Variants in PDE7B observed in about 807,000 individuals in gnomAD.
PDE7B encodes 3',5'-cyclic-AMP phosphodiesterase 7B.
PDE7B carries 29 observed loss-of-function variants against 56.2 expected under a neutral mutation model. The observed-to-expected ratio is 0.52, with a 90% CI of 0.38 to 0.70. The LOEUF (loss-of-function observed/expected upper bound fraction) is 0.70, where lower values mean the gene tolerates loss of function less well. Ranked by LOEUF, PDE7B falls within the 30% of genes least tolerant of loss-of-function variation. The probability of loss-of-function intolerance (pLI) is 0.00; values close to 1 mark genes in which losing one functional copy is unlikely to be tolerated. For synonymous variants in PDE7B, 197 were observed against 196.9 expected (o/e 1.00, Z 0.00); for missense variants, 490 against 565.0 (o/e 0.87, Z 1.35).
chr6:136,167,487 T>C lies in PDE7B; in HGVS notation c.712-6310T>C, dbSNP rs115326107. Among the ~76,000 whole-genome samples the C allele has an allele frequency of 5.4e-3, 817 of 152,272 alleles. 8 individuals carry two copies. The highest frequency in any genetic ancestry group is 0.018 in the African/African-American group (761 of 41,562). ...GCACAAGCTCTCTCTCTTCACCTGC[T>C]ACCATCCATGTAAGATGTGACTTGC... is the stretch of plus-strand genomic sequence containing the variant. On this transcript the variant is annotated intron_variant, in intron 8 of 12. Transcript: ENST00000308191.
In PDE7B at chr6:135,919,723, G is replaced by A. The variant is rs560311588; in HGVS notation, c.22-27741G>A. 2.1e-4 allele frequency among the ~76,000 whole-genome samples: 32 copies of A among 152,308 alleles called. No homozygotes were observed. In the Middle Eastern group the frequency reaches 0.01, roughly 49 times the overall value. ...CCATTTACTAACCAAATGACTTTGA[G>A]CAAATTATTTAACCTTTCTATGATT... On this transcript the variant is annotated intron_variant, in intron 1 of 12. Coordinates refer to ENST00000308191, the MANE Select transcript of PDE7B (RefSeq NM_018945.4).
At chr6:136,000,153 C>T (rs1460659410) in intron 2 of PDE7B, among the ~76,000 whole-genome samples, 2 of 152,036 alleles carry the variant, frequency 1.3e-5, no homozygotes, top group African/African-American at 2.4e-5. Flanking sequence ...GATTTTAGAC[C>T]TTTGTCACAT....
At chr6:136,039,211 G>A (rs1776375962) in intron 2 of PDE7B, among the ~76,000 whole-genome samples, 1 of 152,094 alleles carries the variant, frequency 6.6e-6, no homozygotes, top group Non-Finnish European at 1.5e-5. Flanking sequence ...CTGTGTTTCT[G>A]ACAGTGGATA....
At chr6:136,071,197 A>C (rs370514935) in intron 2 of PDE7B, 90 of 152,290 alleles carry the variant, frequency 5.9e-4, no homozygotes, top group African/African-American at 1.7e-3. Flanking sequence ...GCACTCACCT[A>C]AGAGTACTGA....
chr6:136,045,750 G>A (rs906336364), intron 2 of PDE7B, among the ~76,000 whole-genome samples: 2 of 151,926 alleles, frequency 1.3e-5, no homozygotes, highest in Admixed American at 1.3e-4. Context: ...GCATGAATGT[G>A]GTAGTAGAAA....
chr6:136,030,376 G>T (rs1204353755), intron 2 of PDE7B, among the ~76,000 whole-genome samples: 1 of 152,236 alleles, frequency 6.6e-6, no homozygotes, highest in African/African-American at 2.4e-5. Flanking sequence ...TAGGGCGCAT[G>T]AATTCCAGGT....
chr6:136,172,826 G>A (rs1778913361), intron 8 of PDE7B, among the ~76,000 whole-genome samples: 1 of 152,092 alleles, frequency 6.6e-6, no homozygotes, highest in African/African-American at 2.4e-5. Context: ...GTGTAAGGAA[G>A]GGAAAAATCA....
At position 135,991,796 on chromosome 6, in the gene PDE7B, G is replaced by A. The variant is rs181927093; in HGVS notation, c.82+44272G>A. 10 of 152,296 alleles carry A rather than the reference G, an allele frequency of 6.6e-5. No individual in the cohort carries two copies. In the East Asian group the frequency reaches 1.9e-3, roughly 29 times the overall value. 9.4% of individuals were successfully genotyped at this position (152,296 alleles called of 1,614,324 possible). A position where few individuals can be genotyped will look rare whatever the true frequency, so the allele number is the denominator to read the frequency against. ...CAGAGAGCTGCAGAGAGAAAAAAGA[G>A]GCTGTGAGCTTTCAAGACTTTATGC... On this transcript the variant is annotated intron_variant, in intron 2 of 12. Coordinates refer to ENST00000308191, the MANE Select transcript of PDE7B (RefSeq NM_018945.4).
intron 1 of PDE7B, among the ~76,000 whole-genome samples, chr6:135,939,027 T>C (rs1378722901): frequency 3.3e-5 from 5 of 152,224 alleles, no homozygotes; most frequent in African/African-American, 9.6e-5. Context: ...ACTGCTCTAA[T>C]AGAAAGCATA....
intron 3 of PDE7B, among the ~76,000 whole-genome samples, chr6:136,127,704 G>A (rs913900937): frequency 6.6e-6 from 1 of 152,158 alleles, no homozygotes; most frequent in African/African-American, 2.4e-5. Flanking sequence ...TCTGGTTACT[G>A]AAAACCAGAT....
At chr6:136,051,042 T>C (rs1776616501) in intron 2 of PDE7B, among the ~76,000 whole-genome samples, 1 of 151,806 alleles carries the variant, frequency 6.6e-6, no homozygotes, top group Non-Finnish European at 1.5e-5. Flanking sequence ...AAATCAGCAA[T>C]AGACCTTGTT....
intron 2 of PDE7B, among the ~76,000 whole-genome samples, chr6:136,080,571 CTTG>C (rs1777190532): frequency 1.3e-5 from 2 of 152,186 alleles, no homozygotes; most frequent in African/African-American, 2.4e-5. Context: ...TCATTTCTCA[CTTG>C]TTGTAAACTG....
chr6:136,000,539 T>C (rs978095764), intron 2 of PDE7B, among the ~76,000 whole-genome samples: 2 of 152,236 alleles, frequency 1.3e-5, no homozygotes, highest in Admixed American at 1.3e-4. Context: ...TGTCAGATGG[T>C]TGAAGATCAG....
intron 2 of PDE7B, among the ~76,000 whole-genome samples, chr6:136,075,784 C>T (rs1424419734): frequency 1.3e-5 from 2 of 152,126 alleles, no homozygotes; most frequent in African/African-American, 4.8e-5. Flanking sequence ...ATAACAAGTC[C>T]TTACAGAACA....
intron 3 of PDE7B, among the ~76,000 whole-genome samples, chr6:136,118,066 T>C (rs1485091838): frequency 1.3e-5 from 2 of 152,198 alleles, no homozygotes; most frequent in Non-Finnish European, 2.9e-5. Context: ...ATGAGATAAA[T>C]GTGTCCAGAA....
chr6:136,195,462 A>G lies in PDE7B; in HGVS notation c.*3622A>G, dbSNP rs925465325. 31 of 148,520 alleles carry G rather than the reference A, an allele frequency of 2.1e-4. No individual in the cohort carries two copies. Among genetic ancestry groups the G allele is most frequent in the African/African-American group, 8.0e-4 (31 of 38,664 alleles). The allele number at this position is 148,520 out of a possible 1,614,324, so 9.2% of individuals were successfully genotyped here. ...TATACACATGTGAGGTTTGAAAAAA[A>G]AAAAAAAAAAAAAAAGAACTACCTT... On this transcript the variant is annotated 3_prime_UTR_variant, in exon 13 of 13. Coordinates refer to ENST00000308191, the MANE Select transcript of PDE7B (RefSeq NM_018945.4).
intron 6 of PDE7B, among the ~76,000 whole-genome samples, chr6:136,153,205 A>G (rs1185161250): frequency 3.9e-5 from 6 of 152,198 alleles, no homozygotes; most frequent in African/African-American, 9.7e-5. Context: ...ACAGATATAG[A>G]TACTTTGGAC....
chr6:136,033,541 T>C (rs781309978), intron 2 of PDE7B, among the ~76,000 whole-genome samples: 1 of 152,012 alleles, frequency 6.6e-6, no homozygotes, highest in African/African-American at 2.4e-5. Flanking sequence ...ATTTGCAGAG[T>C]GAACAAGAGA....
intron 2 of PDE7B, among the ~76,000 whole-genome samples, chr6:136,008,282 C>T (rs1191937554): frequency 2.6e-5 from 4 of 152,032 alleles, no homozygotes; most frequent in South Asian, 2.1e-4. Context: ...TGAATAGTGC[C>T]GCAATAAACA....
Sources: gnomAD v4.1 joint callset for allele counts (sites outside exome capture counted in the v4.1 genomes callset) on GRCh38, gnomAD v4.1.1 for gene constraint, MANE v1.5 for transcripts, NCBI Gene and HGNC (gene_info 2026-07-23, HGNC 2026-07-21) for gene names.